The following LNPK variants were observed in gnomAD, a reference collection of about 807,000 sequenced individuals.
LNPK encodes endoplasmic reticulum junction formation protein lunapark.
Under a neutral mutation model 55.2 loss-of-function variants are expected in LNPK, and 29 were observed. The ratio of observed to expected loss-of-function variants is 0.53; its 90% CI spans 0.39 to 0.72. The LOEUF (loss-of-function observed/expected upper bound fraction) is 0.72. LNPK is among the 30% of genes least tolerant of loss of function. The pLI is 0.00. For synonymous variants in LNPK, 162 were observed against 168.2 expected, an observed-to-expected ratio of 0.96 and a Z score of 0.29; for missense variants, 467 against 494.8, an observed-to-expected ratio of 0.94 and a Z score of 0.53.
At chr2:175,993,100 G>T in intron 3 of LNPK, 82 bp downstream of exon 3, 4 of 789,858 alleles carry the variant, frequency 5.1e-6, no homozygotes, top group South Asian at 3.9e-5. Flanking sequence ...TACCAGATTT[G>T]GTCTCCAAAA....
intron 9 of LNPK, among the ~76,000 whole-genome samples, chr2:175,946,744 AAAAT>A (rs1685141516): frequency 6.6e-6 from 1 of 152,174 alleles, no homozygotes; most frequent in South Asian, 2.1e-4. Context: ...AATCTAAAAC[AAAAT>A]AAATAATTTA....
intron 4 of LNPK, among the ~76,000 whole-genome samples, chr2:175,989,310 TC>T (rs779232860): frequency 8.4e-4 from 128 of 152,250 alleles, no homozygotes; most frequent in Non-Finnish European, 9.1e-4. Context: ...TTTCCTCAAT[TC>T]CCTTGCTTAA....
intron 12 of LNPK, among the ~76,000 whole-genome samples, chr2:175,931,600 A>G (rs999393375): frequency 6.6e-6 from 1 of 152,206 alleles, no homozygotes. Flanking sequence ...AAAACTTCCT[A>G]TGCTCACAAA....
chr2:175,976,155 A>G (rs62187009), intron 5 of LNPK, among the ~76,000 whole-genome samples: 11,964 of 152,304 alleles, frequency 0.079, 499 homozygotes, highest in South Asian at 0.097. Flanking sequence ...CTAGAAAGTC[A>G]GGATATGAAT....
At chr2:175,981,330 G>A (rs1687165196) in intron 4 of LNPK, among the ~76,000 whole-genome samples, 1 of 152,178 alleles carries the variant, frequency 6.6e-6, no homozygotes, top group South Asian at 2.1e-4. Flanking sequence ...TCTATGAAAA[G>A]GTCCATGCAG....
intron 6 of LNPK, among the ~76,000 whole-genome samples, chr2:175,968,207 T>C (rs920577828): frequency 3.3e-5 from 5 of 152,202 alleles, no homozygotes; most frequent in African/African-American, 1.2e-4. Flanking sequence ...CATTAGTGAA[T>C]TCCTTTGAAC....
In LNPK at chr2:175,998,991, G is replaced by A. The variant is rs549094194; in HGVS notation, c.-63+3169C>T. Among the ~76,000 whole-genome samples the A allele has an allele frequency of 2.2e-4, 33 of 152,254 alleles. No homozygotes were observed. The South Asian group carries it at 6.0e-3, about 28-fold the overall frequency. On this transcript the variant is annotated intron_variant, in intron 1 of 12. Coordinates refer to ENST00000272748, the MANE Select transcript of LNPK (RefSeq NM_030650.3). ...CATCTTAGCCTCTAAGACCCCTGAAGCAAGGGATTATGCTTTTAAATTTGT... is the reference window on the plus strand; with the variant it reads ...CATCTTAGCCTCTAAGACCCCTGAAACAAGGGATTATGCTTTTAAATTTGT...
intron 8 of LNPK, among the ~76,000 whole-genome samples, chr2:175,957,726 A>C (rs1007342117): frequency 6.6e-6 from 1 of 152,184 alleles, no homozygotes; most frequent in African/African-American, 2.4e-5. Context: ...GGTGCAGCCC[A>C]CAGACGATGA....
chr2:175,951,607 A>ATATATATATATATATATATATATATT, intron 8 of LNPK, among the ~76,000 whole-genome samples: 1 of 121,754 alleles, frequency 8.2e-6, no homozygotes, highest in Admixed American at 8.2e-5. Context: ...ATATATATAT[A>ATATATATATATATATATATATATATT]TATCTCAGTT....
At chr2:175,981,433 C>A (rs977973675) in intron 4 of LNPK, among the ~76,000 whole-genome samples, 2 of 152,154 alleles carry the variant, frequency 1.3e-5, no homozygotes, top group African/African-American at 2.4e-5. Context: ...AGGGAAAAAT[C>A]AGCCAAAGTG....
At chr2:175,930,739 G>A (rs1354647922) in intron 12 of LNPK, among the ~76,000 whole-genome samples, 1 of 151,998 alleles carries the variant, frequency 6.6e-6, no homozygotes, top group African/African-American at 2.4e-5. Flanking sequence ...TCCAAAAACT[G>A]GGAAGTCAGG....
At chr2:176,000,246 G>T (rs1448664624) in intron 1 of LNPK, among the ~76,000 whole-genome samples, 2 of 152,112 alleles carry the variant, frequency 1.3e-5, no homozygotes, top group African/African-American at 4.8e-5. Context: ...TTCAAAATAT[G>T]GCTCAACCAC....
chr2:175,940,742 TTATGAC>T (rs58589008), intron 9 of LNPK, among the ~76,000 whole-genome samples: 33 of 152,306 alleles, frequency 2.2e-4, no homozygotes, highest in East Asian at 1.5e-3. Flanking sequence ...AAAACAATTC[TTATGAC>T]TATGACTATA....
intron 8 of LNPK, 40 bp from the exon 9 acceptor site, chr2:175,947,732 T>C (rs762510499): frequency 1.4e-6 from 2 of 1,409,246 alleles, no homozygotes; most frequent in East Asian, 2.3e-5. Context: ...ATTTCCAATA[T>C]ACCATATTAG....
chr2:175,998,971 T>C (rs963465600), intron 1 of LNPK, among the ~76,000 whole-genome samples: 1 of 152,200 alleles, frequency 6.6e-6, no homozygotes, highest in Non-Finnish European at 1.5e-5. Context: ...ATCTACATCT[T>C]AGCCTCTAAG....
At chr2:175,930,319 A>G in intron 12 of LNPK, 120 bp from the exon 13 acceptor site, 1 of 531,986 alleles carries the variant, frequency 1.9e-6, no homozygotes, top group Non-Finnish European at 3.2e-6. Flanking sequence ...CACACACACA[A>G]AGAAACCATA....
chr2:175,962,502 T>C (rs1686092737), intron 8 of LNPK, among the ~76,000 whole-genome samples: 1 of 152,216 alleles, frequency 6.6e-6, no homozygotes, highest in Non-Finnish European at 1.5e-5. Flanking sequence ...GCTAGCCATA[T>C]GCAGAAAGCT....
intron 8 of LNPK, among the ~76,000 whole-genome samples, chr2:175,963,032 A>G (rs554776479): frequency 0.024 from 3,469 of 147,438 alleles, 139 homozygotes; most frequent in African/African-American, 0.082. Flanking sequence ...TTAGAATGGC[A>G]ATCATTAAAA....
At chr2:175,945,059 C>T (rs1406177228) in intron 9 of LNPK, among the ~76,000 whole-genome samples, 1 of 151,538 alleles carries the variant, frequency 6.6e-6, no homozygotes, top group Non-Finnish European at 1.5e-5. Flanking sequence ...CCACCAGGCC[C>T]GGCTAATTTT....
Sources: gnomAD v4.1 joint callset for allele counts (sites outside exome capture counted in the v4.1 genomes callset) on GRCh38, gnomAD v4.1.1 for gene constraint, MANE v1.5 for transcripts, NCBI Gene and HGNC (gene_info 2026-07-23, HGNC 2026-07-21) for gene names.